Variants in PACSIN2 observed in about 807,000 individuals in gnomAD.
The protein encoded by PACSIN2 is protein kinase C and casein kinase substrate in neurons 2.
PACSIN2 carries 25 observed loss-of-function variants against 63.8 expected under a neutral mutation model. The observed-to-expected ratio is 0.39, with a 90% CI of 0.29 to 0.55. The LOEUF is 0.55. Among genes scored for constraint, PACSIN2 ranks in the 20% least tolerant of loss-of-function variants. PACSIN2 has a pLI of 0.62. For synonymous variants in PACSIN2, 255 were observed against 256.2 expected (o/e 1.00, Z 0.05); for missense variants, 518 against 646.9 (o/e 0.80, Z 2.16).
At chr22:42,878,770 A>G (rs1412006404) in intron 8 of PACSIN2, among the ~76,000 whole-genome samples, 1 of 152,194 alleles carries the variant, frequency 6.6e-6, no homozygotes, top group Non-Finnish European at 1.5e-5. Context: ...CTCCCCACTC[A>G]GGTCTGAAGC....
At chr22:42,950,143 A>G (rs1323698474) in intron 1 of PACSIN2, among the ~76,000 whole-genome samples, 2 of 152,174 alleles carry the variant, frequency 1.3e-5, no homozygotes, top group Admixed American at 6.5e-5. Flanking sequence ...TTTGCTTGTC[A>G]TTATTCCCTA....
chr22:42,962,785 G>GGGGGC lies in PACSIN2; in HGVS notation c.-77-50629_-77-50628insGCCCC, dbSNP rs1569329730. On this transcript the variant is annotated intron_variant, in intron 1 of 10. Coordinates refer to ENST00000263246, the MANE Select transcript of PACSIN2 (RefSeq NM_001184970.3). Reference sequence around the variant, plus strand: ...AGAGCAAGGTGTGGGCGGGGGGGGGGGGCGGCGCAGAAAAAGAAAACTGAC... The same window carrying GGGGGC: ...AGAGCAAGGTGTGGGCGGGGGGGGGGGGGGCGGCGGCGCAGAAAAAGAAAACTGAC... 4.8e-4 allele frequency among the ~76,000 whole-genome samples: 56 copies of GGGGGC among 116,982 alleles called. 6 individuals carry two copies. Among genetic ancestry groups the GGGGGC allele is most frequent in the African/African-American group, 1.6e-3 (52 of 32,686 alleles). The allele number at this position is 116,982 out of a possible 152,430, so 76.7% of individuals were successfully genotyped here.
At chr22:42,897,029 C>CA (rs1930339392) in intron 2 of PACSIN2, among the ~76,000 whole-genome samples, 1 of 152,114 alleles carries the variant, frequency 6.6e-6, no homozygotes, top group Non-Finnish European at 1.5e-5. Context: ...CTTAACCTCC[C>CA]AGGCTCAAGT....
chr22:42,919,748 G>A (rs1932044091), intron 1 of PACSIN2, among the ~76,000 whole-genome samples: 1 of 132,518 alleles, frequency 7.5e-6, no homozygotes, highest in South Asian at 2.4e-4. Context: ...ACTCCAGCCT[G>A]GGTGACAGAG....
chr22:42,928,441 A>G (rs1434314050), intron 1 of PACSIN2, among the ~76,000 whole-genome samples: 1 of 152,234 alleles, frequency 6.6e-6, no homozygotes, highest in African/African-American at 2.4e-5. Context: ...TTCTAATTTC[A>G]TGCATCAGAG....
intron 2 of PACSIN2, among the ~76,000 whole-genome samples, chr22:42,905,384 C>A (rs1309205050): frequency 6.6e-6 from 1 of 152,252 alleles, no homozygotes; most frequent in Non-Finnish European, 1.5e-5. Flanking sequence ...GCTCGGGAGT[C>A]ATTTAGACTT....
intron 1 of PACSIN2, among the ~76,000 whole-genome samples, chr22:42,968,151 G>C (rs1306832183): frequency 6.6e-6 from 1 of 152,184 alleles, no homozygotes; most frequent in Non-Finnish European, 1.5e-5. Flanking sequence ...ACGGCCGAGT[G>C]TGTCCTGGAC....
chr22:42,940,230 C>T (rs1486137941), intron 1 of PACSIN2, among the ~76,000 whole-genome samples: 2 of 152,156 alleles, frequency 1.3e-5, no homozygotes, highest in East Asian at 1.9e-4. Flanking sequence ...TCCTTAACTA[C>T]TCAGTAATTA....
At chr22:42,982,888 A>AAAAAAAAAAAAAAAACAACAAC (rs759532303) in intron 1 of PACSIN2, among the ~76,000 whole-genome samples, 1 of 105,158 alleles carries the variant, frequency 9.5e-6, no homozygotes, top group Non-Finnish European at 2.1e-5. Flanking sequence ...AAAAAAAAAA[A>AAAAAAAAAAAAAAAACAACAAC]AACAACAACA....
chr22:42,991,546 CTG>C (rs1327887387), intron 1 of PACSIN2, among the ~76,000 whole-genome samples: 2 of 152,262 alleles, frequency 1.3e-5, no homozygotes, highest in African/African-American at 2.4e-5. Flanking sequence ...AGGAGAGAGA[CTG>C]TGCGGGAATC....
chr22:42,969,460 C>T (rs1174497562), intron 1 of PACSIN2, among the ~76,000 whole-genome samples: 1 of 152,180 alleles, frequency 6.6e-6, no homozygotes, highest in Non-Finnish European at 1.5e-5. Context: ...GGTTTAGATG[C>T]AAGTTTTTCT....
intron 1 of PACSIN2, among the ~76,000 whole-genome samples, chr22:42,924,372 T>C (rs2146756239): frequency 6.6e-6 from 1 of 152,324 alleles, no homozygotes; most frequent in South Asian, 2.1e-4. Context: ...ATTAATTTCA[T>C]ACTTGTACAT....
intron 1 of PACSIN2, among the ~76,000 whole-genome samples, chr22:42,922,324 AAC>A (rs1359592173): frequency 6.6e-6 from 1 of 152,186 alleles, no homozygotes; most frequent in Non-Finnish European, 1.5e-5. Flanking sequence ...GCTCCCCCTT[AAC>A]ACCCTTAATT....
At chr22:42,903,352 C>T (rs1422971896) in intron 2 of PACSIN2, among the ~76,000 whole-genome samples, 2 of 152,222 alleles carry the variant, frequency 1.3e-5, no homozygotes, top group Non-Finnish European at 2.9e-5. Context: ...CCAACCTATC[C>T]TAACCCCTAT....
At chr22:42,888,843 AGG>A in intron 4 of PACSIN2, 45 bp from the exon 5 acceptor site, 1 of 1,599,742 alleles carries the variant, frequency 6.3e-7, no homozygotes, top group South Asian at 1.1e-5. Flanking sequence ...CTGGGAGTTC[AGG>A]ATCCTCACTA....
chr22:42,987,398 C>T (rs905164399), intron 1 of PACSIN2, among the ~76,000 whole-genome samples: 1 of 151,104 alleles, frequency 6.6e-6, no homozygotes, highest in African/African-American at 2.4e-5. Flanking sequence ...CGAGGGACCT[C>T]ACTGGCCACC....
At chr22:42,955,550 T>C (rs982838199) in intron 1 of PACSIN2, among the ~76,000 whole-genome samples, 2 of 152,188 alleles carry the variant, frequency 1.3e-5, no homozygotes, top group Non-Finnish European at 2.9e-5. Flanking sequence ...TTCATCATCA[T>C]GACAACTTCC....
intron 1 of PACSIN2, among the ~76,000 whole-genome samples, chr22:42,940,807 C>T (rs1399836523): frequency 6.6e-6 from 1 of 152,114 alleles, no homozygotes; most frequent in Admixed American, 6.6e-5. Context: ...TCAAGAATAG[C>T]CAAAGGGATG....
chr22:42,893,707 C>T (rs535788382), intron 2 of PACSIN2, 94 bp from the exon 3 acceptor site: 28 of 1,307,562 alleles, frequency 2.1e-5, no homozygotes, highest in East Asian at 1.9e-4. Context: ...GGCCCTGATG[C>T]GCCCCTGGGG....
Sources: allele counts gnomAD v4.1 joint callset (sites outside exome capture counted in the v4.1 genomes callset), GRCh38; gene constraint gnomAD v4.1.1; transcripts MANE v1.5; gene names NCBI Gene and HGNC (gene_info 2026-07-23, HGNC 2026-07-21).